The following LIX1 variants were observed in gnomAD, a reference collection of about 807,000 sequenced individuals.
The protein encoded by LIX1 is limb and CNS expressed 1, also known as protein limb expression 1 homolog.
LIX1 carries 24 observed loss-of-function variants against 33.4 expected under a neutral mutation model. That is an observed-to-expected ratio of 0.72 (90% confidence interval 0.52 to 1.01). The LOEUF is 1.01. Among genes scored for constraint, LIX1 ranks in the 50% least tolerant of loss-of-function variants. The pLI is 0.00. For missense variants in LIX1, 311 were observed against 339.2 expected (o/e 0.92, Z 0.65); for synonymous variants, 124 against 124.0 (o/e 1.00, Z 0.00).
intron 1 of LIX1, among the ~76,000 whole-genome samples, chr5:97,138,598 G>A (rs1748217530): frequency 6.6e-6 from 1 of 152,150 alleles, no homozygotes; most frequent in South Asian, 2.1e-4. Flanking sequence ...GTCTGTCTCT[G>A]CCTCCCCCAG....
Position 97,093,466 on chromosome 5 carries a change from T to G in LIX1, c.*1282A>C, listed in dbSNP as rs1285618842. The G allele has an allele frequency of 2.6e-5, 4 of 152,168 alleles. No homozygotes were observed. The highest frequency in any genetic ancestry group is 2.9e-5 in the Non-Finnish European group (2 of 67,988). 9.4% of individuals were successfully genotyped at this position (152,168 alleles called of 1,614,324 possible). A position where few individuals can be genotyped will look rare whatever the true frequency, so the allele number is the denominator to read the frequency against. ...ATTGACATTGCTGACATTCTTAAAT[T>G]TGAGTGACCAGGAACTATCTAAAAA... On this transcript the variant is annotated 3_prime_UTR_variant, in exon 6 of 6. Transcript: ENST00000274382.
At chr5:97,140,587 G>T (rs1406170508) in intron 1 of LIX1, among the ~76,000 whole-genome samples, 1 of 152,218 alleles carries the variant, frequency 6.6e-6, no homozygotes, top group Non-Finnish European at 1.5e-5. Context: ...AGCACCTACA[G>T]CTTGCCAGGG....
In LIX1 at chr5:97,095,010, T is replaced by C; in HGVS notation, c.587A>G (p.Tyr196Cys). ...RQEVISYYSQ[Y>C]SLDEKMRSHM... is the part of the protein sequence containing the mutation. ...GCTGCGCATCTTTTCATCTAGAGAA[T>C]ACTGAGAATAGTAGGAGATGACTTC... Residue 196 changes from tyrosine to cysteine, a missense_variant, in exon 6 of 6, where the codon TAT becomes TGT. Physicochemically the swap from Tyr to Cys is radical, Grantham distance 194. Coordinates refer to ENST00000274382, the MANE Select transcript of LIX1 (RefSeq NM_153234.5). 6.2e-7 allele frequency: 1 copy of C among 1,614,066 alleles called. No homozygotes were observed. Among genetic ancestry groups the C allele is most frequent in the Non-Finnish European group, 8.5e-7 (1 of 1,180,006 alleles).
At chr5:97,110,401 T>TATAAC (rs1335304413) in intron 2 of LIX1, among the ~76,000 whole-genome samples, 3 of 152,224 alleles carry the variant, frequency 2.0e-5, no homozygotes, top group Non-Finnish European at 4.4e-5. Flanking sequence ...AAGAAGATAT[T>TATAAC]ATAACTTACA....
At chr5:97,100,227 C>A (rs1580203270) in intron 4 of LIX1, among the ~76,000 whole-genome samples, 1 of 152,282 alleles carries the variant, frequency 6.6e-6, no homozygotes, top group East Asian at 1.9e-4. Context: ...CCCTTGACAA[C>A]CTTCATCTTT....
chr5:97,107,296 C>G (rs1747100531), intron 3 of LIX1, 64 bp downstream of exon 3: 3 of 1,498,488 alleles, frequency 2.0e-6, no homozygotes, highest in African/African-American at 1.4e-5. Context: ...TAACATCTCT[C>G]AAGATTCAAA....
rs549736786 is a variant in LIX1 at position 97,132,466 on chromosome 5, G to A, written c.83-7837C>T. ...GCTGAGCCCTTCTCAGAGGAATGAGGTTGAGGGAGGGATGGGTGAAGGGAG... is the reference window on the plus strand; with the variant it reads ...GCTGAGCCCTTCTCAGAGGAATGAGATTGAGGGAGGGATGGGTGAAGGGAG... On this transcript the variant is annotated intron_variant, in intron 1 of 5. Coordinates refer to ENST00000274382, the MANE Select transcript of LIX1 (RefSeq NM_153234.5). Among the ~76,000 whole-genome samples the A allele has an allele frequency of 7.9e-5, 12 of 152,278 alleles. No homozygotes were observed. The South Asian group carries it at 2.5e-3, about 32-fold the overall frequency.
chr5:97,125,479 C>G (rs915343397), intron 1 of LIX1, among the ~76,000 whole-genome samples: 3 of 152,188 alleles, frequency 2.0e-5, no homozygotes, highest in Admixed American at 6.5e-5. Context: ...GCTCATCTGG[C>G]CTGTACCTGA....
intron 1 of LIX1, among the ~76,000 whole-genome samples, chr5:97,134,617 G>C (rs1282878536): frequency 6.6e-6 from 1 of 152,198 alleles, no homozygotes; most frequent in African/African-American, 2.4e-5. Flanking sequence ...AACAGGAAAA[G>C]GAACCCTAAA....
chr5:97,132,920 C>T (rs1748088192), intron 1 of LIX1, among the ~76,000 whole-genome samples: 1 of 152,072 alleles, frequency 6.6e-6, no homozygotes. Context: ...GAGATGAAGC[C>T]CCTTCAGAGA....
At chr5:97,115,005 T>A (rs147179258) in intron 2 of LIX1, among the ~76,000 whole-genome samples, 2 of 152,224 alleles carry the variant, frequency 1.3e-5, no homozygotes, top group African/African-American at 4.8e-5. Flanking sequence ...TCCTTTATGA[T>A]AGTTCTTCTA....
At chr5:97,112,073 C>T (rs1488153209) in intron 2 of LIX1, among the ~76,000 whole-genome samples, 2 of 152,208 alleles carry the variant, frequency 1.3e-5, no homozygotes, top group African/African-American at 4.8e-5. Flanking sequence ...TTCTGAAAGA[C>T]AAGTACTTCA....
At chr5:97,127,100 C>T (rs1401155574) in intron 1 of LIX1, among the ~76,000 whole-genome samples, 1 of 152,120 alleles carries the variant, frequency 6.6e-6, no homozygotes, top group Non-Finnish European at 1.5e-5. Context: ...CAGTTGACCT[C>T]CAGAAGTCAG....
chr5:97,131,398 C>T (rs1748053959), intron 1 of LIX1, among the ~76,000 whole-genome samples: 2 of 152,156 alleles, frequency 1.3e-5, no homozygotes, highest in African/African-American at 4.8e-5. Context: ...CCACATGTAC[C>T]TCCTTTTCTG....
chr5:97,096,055 G>A (rs1486181749), intron 5 of LIX1, among the ~76,000 whole-genome samples: 1 of 152,186 alleles, frequency 6.6e-6, no homozygotes, highest in Non-Finnish European at 1.5e-5. Context: ...CCCTTACCTT[G>A]CTGACTCCCA....
intron 2 of LIX1, among the ~76,000 whole-genome samples, chr5:97,111,084 A>G (rs1297765804): frequency 2.6e-5 from 4 of 152,102 alleles, no homozygotes; most frequent in Non-Finnish European, 4.4e-5. Context: ...TTGGAGGACT[A>G]CTGTCCAAGG....
At chr5:97,136,321 C>A (rs1191876963) in intron 1 of LIX1, among the ~76,000 whole-genome samples, 1 of 152,120 alleles carries the variant, frequency 6.6e-6, no homozygotes, top group Non-Finnish European at 1.5e-5. Context: ...ATGTAATTAG[C>A]CTGTGATAAT....
intron 1 of LIX1, among the ~76,000 whole-genome samples, chr5:97,134,509 G>A (rs1348026230): frequency 6.6e-6 from 1 of 152,174 alleles, no homozygotes. Context: ...ATTATCCCTA[G>A]CAGGTGATAT....
At chr5:97,129,851 T>C (rs980126554) in intron 1 of LIX1, among the ~76,000 whole-genome samples, 2 of 152,226 alleles carry the variant, frequency 1.3e-5, no homozygotes, top group Non-Finnish European at 2.9e-5. Context: ...GTGAGGCTGT[T>C]GGTAGTGTAG....
Sources: gnomAD v4.1 joint callset for allele counts (sites outside exome capture counted in the v4.1 genomes callset) on GRCh38, gnomAD v4.1.1 for gene constraint, MANE v1.5 for transcripts, NCBI Gene and HGNC (gene_info 2026-07-23, HGNC 2026-07-21) for gene names.